Variants in KCNIP4 observed in about 807,000 individuals in gnomAD.
KCNIP4 encodes Kv channel-interacting protein 4.
KCNIP4 carries 12 observed loss-of-function variants against 34.0 expected under a neutral mutation model. That is an observed-to-expected ratio of 0.35 (90% CI 0.23 to 0.57). KCNIP4 has a LOEUF of 0.57. KCNIP4 is among the 20% of genes least tolerant of loss of function. KCNIP4 has a pLI of 0.83. For missense variants in KCNIP4, 238 were observed against 311.7 expected (o/e 0.76, Z 1.78); for synonymous variants, 124 against 102.2 (o/e 1.21, Z -1.29).
intron 1 of KCNIP4, among the ~76,000 whole-genome samples, chr4:20,935,191 C>T (rs550034975): frequency 6.6e-6 from 1 of 152,160 alleles, no homozygotes; most frequent in African/African-American, 2.4e-5. Flanking sequence ...TCTGGATGAA[C>T]ATACATTTTT....
chr4:21,876,671 A>T (rs1354101907), intron 1 of KCNIP4, among the ~76,000 whole-genome samples: 1 of 152,194 alleles, frequency 6.6e-6, no homozygotes, highest in Non-Finnish European at 1.5e-5. Context: ...TGCCTCATGA[A>T]AGTCTTTGAA....
intron 1 of KCNIP4, among the ~76,000 whole-genome samples, chr4:21,475,208 T>C (rs1214544552): frequency 6.6e-6 from 1 of 152,152 alleles, no homozygotes; most frequent in Non-Finnish European, 1.5e-5. Flanking sequence ...AATATATATA[T>C]CTCTACTTTT....
intron 1 of KCNIP4, among the ~76,000 whole-genome samples, chr4:21,236,380 C>T (rs944343038): frequency 6.6e-6 from 1 of 152,136 alleles, no homozygotes; most frequent in Admixed American, 6.5e-5. Context: ...GATACAACCA[C>T]TTTACTTTTC....
At chr4:20,877,516 G>A (rs911004646) in intron 2 of KCNIP4, among the ~76,000 whole-genome samples, 1 of 152,032 alleles carries the variant, frequency 6.6e-6, no homozygotes, top group African/African-American at 2.4e-5. Context: ...GAAGCTCTGT[G>A]ATTTTGAGCA....
intron 1 of KCNIP4, among the ~76,000 whole-genome samples, chr4:21,726,330 TG>T (rs1276628722): frequency 2.0e-5 from 3 of 152,184 alleles, no homozygotes; most frequent in African/African-American, 7.2e-5. Context: ...CAAAGAGGCA[TG>T]TCTTCTGCTT....
intron 1 of KCNIP4, among the ~76,000 whole-genome samples, chr4:20,975,166 A>G (rs1188260570): frequency 3.3e-5 from 5 of 152,228 alleles, no homozygotes; most frequent in Non-Finnish European, 5.9e-5. Flanking sequence ...AAAGACCATG[A>G]TCTTATCCAC....
chr4:21,712,637 A>T (rs1713820491), intron 1 of KCNIP4, among the ~76,000 whole-genome samples: 1 of 152,160 alleles, frequency 6.6e-6, no homozygotes, highest in South Asian at 2.1e-4. Flanking sequence ...CTCCTGAGAC[A>T]GTCTAGAATC....
intron 1 of KCNIP4, among the ~76,000 whole-genome samples, chr4:21,144,710 C>T (rs1752225212): frequency 6.6e-6 from 1 of 152,180 alleles, no homozygotes; most frequent in South Asian, 2.1e-4. Flanking sequence ...TTCTTCAGTC[C>T]ATTCTTGATG....
At chr4:20,813,234 A>G (rs1000476177) in intron 3 of KCNIP4, among the ~76,000 whole-genome samples, 2 of 152,170 alleles carry the variant, frequency 1.3e-5, no homozygotes, top group African/African-American at 2.4e-5. Context: ...GACCTCAAAT[A>G]AAGTAGGACT....
intron 1 of KCNIP4, among the ~76,000 whole-genome samples, chr4:21,067,467 C>A (rs148738323): frequency 9.9e-5 from 15 of 152,240 alleles, no homozygotes; most frequent in African/African-American, 3.1e-4. Context: ...GTTCCTGATT[C>A]CAGGCCTTGG....
intron 1 of KCNIP4, among the ~76,000 whole-genome samples, chr4:21,702,357 T>A (rs1221418823): frequency 6.6e-6 from 1 of 152,040 alleles, no homozygotes; most frequent in African/African-American, 2.4e-5. Flanking sequence ...CCCAATGACC[T>A]CCAAATGTCA....
intron 3 of KCNIP4, among the ~76,000 whole-genome samples, chr4:20,817,706 G>A (rs1682204633): frequency 1.4e-5 from 2 of 144,852 alleles, no homozygotes; most frequent in Admixed American, 7.0e-5. Context: ...CCTGGTCAGT[G>A]TTCAATACTT....
intron 1 of KCNIP4, among the ~76,000 whole-genome samples, chr4:21,714,894 ATT>A (rs1314204135): frequency 2.9e-3 from 1 of 350 alleles, no homozygotes; most frequent in Non-Finnish European, 4.2e-3. Context: ...ATTTTATTTT[ATT>A]TTATTTTATT....
chr4:20,860,849 G>A, intron 2 of KCNIP4, among the ~76,000 whole-genome samples: 1 of 152,250 alleles, frequency 6.6e-6, no homozygotes, highest in East Asian at 1.9e-4. Context: ...TGATGCTATT[G>A]TTTGTTTAAT....
chr4:21,153,012 G>A (rs922896196), intron 1 of KCNIP4, among the ~76,000 whole-genome samples: 7 of 152,076 alleles, frequency 4.6e-5, no homozygotes, highest in Admixed American at 6.6e-5. Flanking sequence ...TTTTACAATG[G>A]CTGTGAATGG....
rs115867295 is a variant in KCNIP4 at position 21,472,425 on chromosome 4, A to G, written c.61+476146T>C. On this transcript the variant is annotated intron_variant, in intron 1 of 8. Coordinates refer to ENST00000382152, the MANE Select transcript of KCNIP4 (RefSeq NM_025221.6). ...TGAGAAAACCAATTTCATTATGTTA[A>G]TTGGCTGAAATGTGTGTGTGGGGGG... 8.1e-3 allele frequency among the ~76,000 whole-genome samples: 1,229 copies of G among 152,278 alleles called. 13 individuals are homozygous for G. The highest frequency in any genetic ancestry group is 0.028 in the African/African-American group (1,181 of 41,560).
Position 21,675,709 on chromosome 4 carries a change from G to A in KCNIP4, c.61+272862C>T, listed in dbSNP as rs534102813. On this transcript the variant is annotated intron_variant, in intron 1 of 8. Transcript: ENST00000382152. Reference sequence around the variant, plus strand: ...TTTCATATGTTTTCTCTTATGAAAAGTAGAGAGTCACATGTTTTAGGGTGT... The same window carrying A: ...TTTCATATGTTTTCTCTTATGAAAAATAGAGAGTCACATGTTTTAGGGTGT... 3.3e-5 allele frequency among the ~76,000 whole-genome samples: 5 copies of A among 152,266 alleles called. No homozygotes were observed. In the East Asian group the frequency reaches 7.7e-4, roughly 23 times the overall value.
intron 1 of KCNIP4, among the ~76,000 whole-genome samples, chr4:21,484,376 G>A (rs564976356): frequency 2.4e-4 from 36 of 152,014 alleles, no homozygotes; most frequent in African/African-American, 7.5e-4. Flanking sequence ...GCAGTGAGGC[G>A]AGATCACGCC....
rs139910916 is a variant in KCNIP4 at position 21,735,239 on chromosome 4, C to T, written c.61+213332G>A. 1.7e-3 allele frequency among the ~76,000 whole-genome samples: 256 copies of T among 151,988 alleles called. 1 individual carries two copies. The highest frequency in any genetic ancestry group is 4.6e-3 in the African/African-American group (190 of 41,476). The stretch of plus-strand genomic sequence containing the variant: ...GAAGACACTCATGGTATGCTAGAGC[C>T]GGCTTCTAATTGGCTTGTGAGAGCC... On this transcript the variant is annotated intron_variant, in intron 1 of 8. Coordinates refer to ENST00000382152, the MANE Select transcript of KCNIP4 (RefSeq NM_025221.6).
Sources: gnomAD v4.1 joint callset for allele counts (sites outside exome capture counted in the v4.1 genomes callset) on GRCh38, gnomAD v4.1.1 for gene constraint, MANE v1.5 for transcripts, NCBI Gene and HGNC (gene_info 2026-07-23, HGNC 2026-07-21) for gene names.